Variants in SPATA6L observed in about 807,000 individuals in gnomAD.
SPATA6L encodes spermatogenesis associated 6 like.
In SPATA6L, 68 loss-of-function variants were observed where a neutral mutation model predicts 49.2. That is an observed-to-expected ratio of 1.38 (90% confidence interval 1.14 to 1.69). The LOEUF (loss-of-function observed/expected upper bound fraction) is 1.69, where lower values mean the gene tolerates loss of function less well. Ranked by LOEUF, SPATA6L falls within the 40% of genes most tolerant of loss-of-function variation. SPATA6L has a pLI of 0.00. For synonymous variants in SPATA6L, 198 were observed against 165.7 expected, an observed-to-expected ratio of 1.19 and a Z score of -1.50; for missense variants, 668 against 464.3, an observed-to-expected ratio of 1.44 and a Z score of -4.03.
At chr9:4,622,860 C>T (rs1829641474) in intron 6 of SPATA6L, among the ~76,000 whole-genome samples, 1 of 152,210 alleles carries the variant, frequency 6.6e-6, no homozygotes, top group Non-Finnish European at 1.5e-5. Context: ...TTTCACATTC[C>T]TGAAACAGTA....
chr9:4,602,825 G>T (rs1331129348), intron 11 of SPATA6L, among the ~76,000 whole-genome samples: 1 of 152,200 alleles, frequency 6.6e-6, no homozygotes, highest in Admixed American at 6.5e-5. Flanking sequence ...CCTTGAGCAA[G>T]GGACCTAACC....
intron 9 of SPATA6L, among the ~76,000 whole-genome samples, chr9:4,606,706 G>C (rs1376765475): frequency 7.2e-6 from 1 of 138,660 alleles, no homozygotes; most frequent in African/African-American, 2.8e-5. Flanking sequence ...AAACAGAACA[G>C]AAAAACTGGA....
chr9:4,640,219 A>T (rs1833737455), intron 3 of SPATA6L, among the ~76,000 whole-genome samples: 1 of 152,214 alleles, frequency 6.6e-6, no homozygotes, highest in Non-Finnish European at 1.5e-5. Flanking sequence ...GAACAGGATC[A>T]CGCTGCCCCC....
At chr9:4,649,375 T>C (rs1376272410) in intron 3 of SPATA6L, among the ~76,000 whole-genome samples, 1 of 152,226 alleles carries the variant, frequency 6.6e-6, no homozygotes, top group East Asian at 1.9e-4. Flanking sequence ...GTTCACTGCA[T>C]CTATGCCAAC....
chr9:4,592,331 A>AG (rs1235753131), intron 13 of SPATA6L, among the ~76,000 whole-genome samples: 2 of 151,800 alleles, frequency 1.3e-5, no homozygotes, highest in Non-Finnish European at 2.9e-5. Flanking sequence ...AAAAAAAAAA[A>AG]AATCACAGAG....
chr9:4,627,959 G>A, intron 5 of SPATA6L: 2 of 448,106 alleles, frequency 4.5e-6, no homozygotes, highest in Non-Finnish European at 8.0e-6. Context: ...CAACGTGGAT[G>A]GAAGTTGAGG....
intron 3 of SPATA6L, among the ~76,000 whole-genome samples, chr9:4,646,066 G>A (rs1249641788): frequency 6.6e-6 from 1 of 151,906 alleles, no homozygotes; most frequent in Non-Finnish European, 1.5e-5. Context: ...ATTTGGCTGG[G>A]GACTATAGTT....
At chr9:4,618,809 T>C (rs1156552231) in intron 8 of SPATA6L, 55 bp downstream of exon 8, 2 of 1,511,656 alleles carry the variant, frequency 1.3e-6, no homozygotes, top group Non-Finnish European at 1.8e-6. Context: ...AGCACAATAA[T>C]TGACATAAGA....
At chr9:4,610,039 A>G (rs947244488) in intron 9 of SPATA6L, among the ~76,000 whole-genome samples, 20 of 152,064 alleles carry the variant, frequency 1.3e-4, no homozygotes, top group African/African-American at 4.6e-4. Flanking sequence ...GTGAACTCCC[A>G]TTCACAATTG....
At chr9:4,645,520 G>A (rs999659779) in intron 3 of SPATA6L, among the ~76,000 whole-genome samples, 1 of 152,236 alleles carries the variant, frequency 6.6e-6, no homozygotes, top group Admixed American at 6.5e-5. Context: ...TGCTAGCTCA[G>A]GTCTCTCATC....
intron 3 of SPATA6L, among the ~76,000 whole-genome samples, chr9:4,651,156 C>T (rs989741924): frequency 6.6e-6 from 1 of 152,080 alleles, no homozygotes; most frequent in African/African-American, 2.4e-5. Context: ...GCACATGCCA[C>T]CACACCCCAC....
At chr9:4,659,454 G>C (rs36160237) in intron 2 of SPATA6L, among the ~76,000 whole-genome samples, 4 of 150,308 alleles carry the variant, frequency 2.7e-5, no homozygotes, top group Non-Finnish European at 5.9e-5. Context: ...AAATATCTAG[G>C]AATACAACTT....
At chr9:4,630,659 A>C (rs1029498036) in intron 4 of SPATA6L, among the ~76,000 whole-genome samples, 5 of 152,196 alleles carry the variant, frequency 3.3e-5, no homozygotes, top group Non-Finnish European at 7.3e-5. Context: ...TTTCATTTAT[A>C]CCACTTATAC....
Position 4,638,361 on chromosome 9 carries a change from C to T in SPATA6L, c.227-2962G>A, listed in dbSNP as rs572633144. Among the ~76,000 whole-genome samples, 733 of 152,044 alleles carry T rather than the reference C, an allele frequency of 4.8e-3. 6 individuals are homozygous for T. The highest frequency in any genetic ancestry group is 0.017 in the African/African-American group (700 of 41,474). On this transcript the variant is annotated intron_variant, in intron 3 of 11. Coordinates refer to ENST00000682582, the MANE Select transcript of SPATA6L (RefSeq NM_001353486.2). ...CAAGCAGCTGGGACTAGAGGCACCC[C>T]GCCACCAAGCCTGGCTAATTTTTGT...
At chr9:4,611,011 A>G (rs1433225685) in intron 9 of SPATA6L, among the ~76,000 whole-genome samples, 1 of 148,892 alleles carries the variant, frequency 6.7e-6, no homozygotes, top group Non-Finnish European at 1.5e-5. Context: ...ACTTCTCAAA[A>G]GAAGACATTT....
chr9:4,623,913 G>A (rs1829860023), intron 6 of SPATA6L, among the ~76,000 whole-genome samples: 1 of 152,192 alleles, frequency 6.6e-6, no homozygotes, highest in Non-Finnish European at 1.5e-5. Flanking sequence ...ATTTTTGCCA[G>A]ATGTCATTAT....
At chr9:4,608,947 A>T (rs1825996782) in intron 9 of SPATA6L, among the ~76,000 whole-genome samples, 1 of 152,194 alleles carries the variant, frequency 6.6e-6, no homozygotes, top group Non-Finnish European at 1.5e-5. Context: ...GACGCAATAT[A>T]AAATGATAAA....
chr9:4,649,062 TACAC>T (rs55949521), intron 3 of SPATA6L, among the ~76,000 whole-genome samples: 6,410 of 149,836 alleles, frequency 0.043, 267 homozygotes, highest in African/African-American at 0.089. Flanking sequence ...TATAGAAATA[TACAC>T]ACACACACAC....
chr9:4,663,166 G>C, intron 1 of SPATA6L: 1 of 1,614,118 alleles, frequency 6.2e-7, no homozygotes, highest in Non-Finnish European at 8.5e-7. Flanking sequence ...GTAGCTTTTG[G>C]CTTTTTTCTG....
Sources: allele counts gnomAD v4.1 joint callset (sites outside exome capture counted in the v4.1 genomes callset), GRCh38; gene constraint gnomAD v4.1.1; transcripts MANE v1.5; gene names NCBI Gene and HGNC (gene_info 2026-07-23, HGNC 2026-07-21).